The following QRFPR variants were observed in gnomAD, a reference collection of about 807,000 sequenced individuals.
QRFPR encodes the protein pyroglutamylated RFamide peptide receptor.
QRFPR carries 37 observed loss-of-function variants against 31.3 expected under a neutral mutation model. The ratio of observed to expected loss-of-function variants is 1.18; its 90% CI spans 0.91 to 1.56. The LOEUF is 1.56. Ranked by LOEUF, QRFPR falls within the 40% of genes most tolerant of loss-of-function variation. The pLI is 0.00. For synonymous variants in QRFPR, 197 were observed against 192.0 expected (o/e 1.03, Z -0.22); for missense variants, 542 against 532.5 (o/e 1.02, Z -0.18).
chr4:121,331,979 C>G (rs1579566903), intron 4 of QRFPR, among the ~76,000 whole-genome samples: 1 of 152,132 alleles, frequency 6.6e-6, no homozygotes, highest in Non-Finnish European at 1.5e-5. Flanking sequence ...AACATGGCAG[C>G]TCTTTCTTTC....
intron 3 of QRFPR, 133 bp downstream of exon 3, chr4:121,336,673 TA>T: frequency 1.3e-6 from 1 of 753,798 alleles, no homozygotes; most frequent in Non-Finnish European, 2.4e-6. Context: ...TTATTCCACT[TA>T]AAAGACCTCC....
At chr4:121,365,547 T>TA (rs1560743659) in intron 1 of QRFPR, among the ~76,000 whole-genome samples, 1 of 8,782 alleles carries the variant, frequency 1.1e-4, no homozygotes, top group African/African-American at 7.6e-4. Flanking sequence ...ATATATTATA[T>TA]ATAATATATA....
intron 1 of QRFPR, chr4:121,369,824 G>C (rs71602333): frequency 0.2 from 243,331 of 1,214,018 alleles, 27,283 homozygotes; most frequent in Non-Finnish European, 0.24. Context: ...GGTGCTTGGG[G>C]TGGACAGGGC....
intron 1 of QRFPR, among the ~76,000 whole-genome samples, chr4:121,358,048 C>A (rs753078790): frequency 6.6e-6 from 1 of 152,144 alleles, no homozygotes; most frequent in South Asian, 2.1e-4. Flanking sequence ...GAAACAATAT[C>A]TCACAAATAA....
chr4:121,360,470 T>C (rs1406095872), intron 1 of QRFPR, among the ~76,000 whole-genome samples: 3 of 152,184 alleles, frequency 2.0e-5, no homozygotes, highest in African/African-American at 7.2e-5. Context: ...TGCTGAGTTC[T>C]GATGGGTTTA....
In QRFPR at chr4:121,380,429, G is replaced by C; in HGVS notation, c.219C>G (p.Ser73Arg). 1.9e-6 allele frequency: 3 copies of C among 1,614,250 alleles called. No individual in the cohort carries two copies. The highest frequency in any genetic ancestry group is 2.5e-6 in the Non-Finnish European group (3 of 1,180,048). ...TGTTGGTGACGGTGCGCATGGCCTT[G>C]CTGCGGGTCACCACGTAGAACACCA... ...NALVFYVVTR[S>R]KAMRTVTNIF... The change falls in exon 1 of 6, where the codon AGC (serine) becomes AGG (arginine). Residue 73 changes from serine to arginine, a missense_variant. Physicochemically the swap from Ser to Arg is moderately radical, Grantham distance 110. Coordinates refer to ENST00000394427, the MANE Select transcript of QRFPR (RefSeq NM_198179.3).
At chr4:121,374,951 C>A (rs1174438843) in intron 1 of QRFPR, among the ~76,000 whole-genome samples, 6 of 152,134 alleles carry the variant, frequency 3.9e-5, no homozygotes, top group African/African-American at 1.4e-4. Context: ...TGCTGCAGAG[C>A]TGTGTGTGCA....
chr4:121,374,526 C>T (rs1347562806), intron 1 of QRFPR, among the ~76,000 whole-genome samples: 1 of 152,168 alleles, frequency 6.6e-6, no homozygotes, highest in Non-Finnish European at 1.5e-5. Flanking sequence ...TCAGCATTTA[C>T]ACTACATCAG....
Position 121,361,690 on chromosome 4 carries a change from C to A in QRFPR, c.340+18618G>T, listed in dbSNP as rs148663730. Among the ~76,000 whole-genome samples, 20 of 150,308 alleles carry A rather than the reference C, an allele frequency of 1.3e-4. 3 individuals carry two copies. The highest frequency in any genetic ancestry group is 8.4e-4 in the South Asian group (4 of 4,744). ...TGATGCTGCGTGTCCATGGACCAGG[C>A]TTTAAACAGCACGAAAAGTTCACAA... On this transcript the variant is annotated intron_variant, in intron 1 of 5. Transcript: ENST00000394427.
At chr4:121,365,552 TATATA>T (rs1265777480) in intron 1 of QRFPR, among the ~76,000 whole-genome samples, 355 of 4,294 alleles carry the variant, frequency 0.083, 36 homozygotes, top group Middle Eastern at 0.12. Context: ...TTATATATAA[TATATA>T]ATATATATTA....
At position 121,329,614 on chromosome 4, in the gene QRFPR, A is replaced by T; in HGVS notation, c.996T>A (p.Tyr332Ter). ...FSNSICNPIV[Y>*]AFMNENFKKN... ...TTTTGAAGTTTTCATTCATAAATGC[A>T]TAGACAATGGGATTACAGATGGAGT... Residue 332 changes from tyrosine (Y) to a stop codon, truncating the protein, a stop_gained, in exon 6 of 6, where the codon TAT (tyrosine) becomes TAA (stop). Coordinates refer to ENST00000394427, the MANE Select transcript of QRFPR (RefSeq NM_198179.3). LOFTEE classifies it low-confidence loss of function (END_TRUNC). 6.2e-7 allele frequency: 1 copy of T among 1,612,804 alleles called. No individual in the cohort carries two copies. Among genetic ancestry groups the T allele is most frequent in the Non-Finnish European group, 8.5e-7 (1 of 1,179,440 alleles).
chr4:121,341,995 A>G (rs370225295), intron 1 of QRFPR, among the ~76,000 whole-genome samples: 1 of 152,200 alleles, frequency 6.6e-6, no homozygotes, highest in East Asian at 1.9e-4. Flanking sequence ...GAATACCCAG[A>G]TAGCTAGCAA....
chr4:121,355,882 G>A (rs764380356), intron 1 of QRFPR, among the ~76,000 whole-genome samples: 2 of 151,976 alleles, frequency 1.3e-5, no homozygotes, highest in Admixed American at 6.6e-5. Flanking sequence ...TGTTCCTCTT[G>A]TTATTGATTT....
intron 1 of QRFPR, among the ~76,000 whole-genome samples, chr4:121,343,789 T>A (rs1032987843): frequency 2.6e-5 from 4 of 152,088 alleles, no homozygotes; most frequent in Non-Finnish European, 5.9e-5. Context: ...CAAAAGAAAA[T>A]TTTTGCTGTA....
intron 1 of QRFPR, among the ~76,000 whole-genome samples, chr4:121,362,708 G>A (rs11726105): frequency 6.7e-6 from 1 of 149,194 alleles, no homozygotes; most frequent in African/African-American, 2.5e-5. Context: ...AGCAAGACAA[G>A]AAAATGGAGA....
Position 121,329,418 on chromosome 4 carries a change from C to T in QRFPR, c.1192G>A (p.Val398Ile). The change falls in exon 6 of 6, where the codon GTC becomes ATC. Residue 398 changes from valine to isoleucine, a missense_variant. Transcript: ENST00000394427. ...TCCTCTGTCTGTTCACACAATTTGA[C>T]TTCAATGTTGCCATCACTGAATGCT... ...GEAFSDGNIE[V>I]KLCEQTEEKK... The T allele has an allele frequency of 2.5e-6, 4 of 1,614,126 alleles. No individual in the cohort carries two copies. The highest frequency in any genetic ancestry group is 3.4e-6 in the Non-Finnish European group (4 of 1,179,990).
At chr4:121,345,905 G>C (rs1363892580) in intron 1 of QRFPR, among the ~76,000 whole-genome samples, 1 of 152,178 alleles carries the variant, frequency 6.6e-6, no homozygotes, top group Non-Finnish European at 1.5e-5. Flanking sequence ...ATTCACTTTA[G>C]TGTGTAACAG....
rs567925730 is a variant in QRFPR, at chr4:121,342,549, T to A, written c.341-1939A>T. ...TCCCTATCTCCTCTCATTCCTCATT[T>A]CTTTTATTCTACTCTTTTCCCATTC... is the stretch of plus-strand genomic sequence containing the variant. On this transcript the variant is annotated intron_variant, in intron 1 of 5. Transcript: ENST00000394427. Among the ~76,000 whole-genome samples the A allele has an allele frequency of 5.9e-5, 9 of 152,264 alleles. No homozygotes were observed. The South Asian group carries it at 1.9e-3, about 32-fold the overall frequency.
chr4:121,353,307 T>C (rs973132583), intron 1 of QRFPR, among the ~76,000 whole-genome samples: 2 of 152,082 alleles, frequency 1.3e-5, no homozygotes, highest in South Asian at 2.1e-4. Flanking sequence ...TTTTCCATAG[T>C]AGCTATATTA....
Sources: allele counts gnomAD v4.1 joint callset (sites outside exome capture counted in the v4.1 genomes callset), GRCh38; gene constraint gnomAD v4.1.1; transcripts MANE v1.5; gene names NCBI Gene and HGNC (gene_info 2026-07-23, HGNC 2026-07-21).